The following MGAM2 variants were observed in gnomAD, a reference collection of about 807,000 sequenced individuals.
MGAM2 encodes probable maltase-glucoamylase 2.
MGAM2 carries 98 observed loss-of-function variants against 96.1 expected under a neutral mutation model. The observed-to-expected ratio is 1.02, with a 90% CI of 0.87 to 1.21. The LOEUF (loss-of-function observed/expected upper bound fraction) is 1.21. Among genes scored for constraint, MGAM2 ranks in the 50% most tolerant of loss-of-function variants. The pLI is 0.00. For missense variants in MGAM2, 2,055 were observed against 1,182.4 expected (o/e 1.74, Z -10.82); for synonymous variants, 749 against 414.8 (o/e 1.81, Z -9.79).
intron 46 of MGAM2, among the ~76,000 whole-genome samples, 173 bp downstream of exon 46, chr7:142,208,795 T>A (rs961756676): frequency 1.3e-5 from 2 of 152,230 alleles, no homozygotes; most frequent in Admixed American, 6.5e-5. Context: ...ATCCTTACTT[T>A]GGCAGTTTTC....
intron 35 of MGAM2, 148 bp downstream of exon 35, chr7:142,186,271 C>G: frequency 1.7e-6 from 1 of 604,796 alleles, no homozygotes; most frequent in South Asian, 2.0e-5. Flanking sequence ...GGTGCTAGGA[C>G]CAAGAGAAGC....
Position 142,165,042 on chromosome 7 carries a change from C to T in MGAM2, c.2652+19C>T. On this transcript the variant is annotated intron_variant, in intron 24 of 47. Transcript: ENST00000477922. ...CACAAAGGTAAGAGATCCTTCCATTCTGCAGGGCCCTTTCCAGAGGCCTTG... is the reference window on the plus strand; with the variant it reads ...CACAAAGGTAAGAGATCCTTCCATTTTGCAGGGCCCTTTCCAGAGGCCTTG... 2.9e-6 allele frequency: 2 copies of T among 682,898 alleles called. No homozygotes were observed. Among genetic ancestry groups the T allele is most frequent in the Non-Finnish European group, 5.3e-6 (2 of 376,490 alleles). 42.3% of individuals were successfully genotyped at this position (682,898 alleles called of 1,614,324 possible). A position where few individuals can be genotyped will look rare whatever the true frequency, so the allele number is the denominator to read the frequency against.
At chr7:142,181,996 TC>T (rs1796559052) in intron 32 of MGAM2, among the ~76,000 whole-genome samples, 1 of 152,076 alleles carries the variant, frequency 6.6e-6, no homozygotes, top group South Asian at 2.1e-4. Context: ...GCTATGGAGC[TC>T]CCTTGGGCAG....
At chr7:142,215,322 G>T (rs912717426) in intron 46 of MGAM2, among the ~76,000 whole-genome samples, 1 of 152,084 alleles carries the variant, frequency 6.6e-6, no homozygotes, top group Non-Finnish European at 1.5e-5. Flanking sequence ...CAAGGAGACA[G>T]ATAGCATTAG....
chr7:142,155,834 A>T (rs1263721604), intron 17 of MGAM2, among the ~76,000 whole-genome samples: 18 of 152,158 alleles, frequency 1.2e-4, no homozygotes, highest in Admixed American at 1.2e-3. Context: ...AGAGCCACAT[A>T]TGTCAGTTTA....
At chr7:142,198,841 C>T in intron 44 of MGAM2, 102 bp downstream of exon 44, 2 of 604,924 alleles carry the variant, frequency 3.3e-6, no homozygotes, top group Non-Finnish European at 5.9e-6. Context: ...GGATTATAAA[C>T]TAAATTGCCA....
intron 2 of MGAM2, among the ~76,000 whole-genome samples, chr7:142,118,890 T>G (rs752943445): frequency 1.3e-5 from 2 of 152,130 alleles, no homozygotes; most frequent in East Asian, 3.8e-4. Flanking sequence ...TATAAAACTC[T>G]AGGAACATGT....
intron 44 of MGAM2, among the ~76,000 whole-genome samples, chr7:142,199,168 TTGTG>T (rs1162953695): frequency 6.6e-6 from 1 of 152,136 alleles, no homozygotes; most frequent in East Asian, 1.9e-4. Flanking sequence ...TGCTTGTGTG[TTGTG>T]TGTGTGTACA....
intron 4 of MGAM2, 83 bp from the exon 5 acceptor site, chr7:142,131,435 T>C (rs1219258180): frequency 1.2e-5 from 8 of 648,042 alleles, no homozygotes; most frequent in Admixed American, 2.4e-5. Flanking sequence ...AGACTCCATC[T>C]CAAAACAAAA....
intron 46 of MGAM2, among the ~76,000 whole-genome samples, chr7:142,214,740 A>G (rs1328973600): frequency 6.6e-6 from 1 of 150,562 alleles, no homozygotes; most frequent in Non-Finnish European, 1.5e-5. Context: ...GCAAATCAAA[A>G]CCACAATGAG....
chr7:142,176,095 C>CA lies in MGAM2; in HGVS notation c.3816+328dup, dbSNP rs61345348. On this transcript the variant is annotated intron_variant, in intron 32 of 47. Coordinates refer to ENST00000477922, the MANE Select transcript of MGAM2 (RefSeq NM_001293626.2). ...CTGTGGGCTGAAGCACTGAAGATAG[C>CA]AAAAAAAAAAAAAGGGGGGGGCATC... is the stretch of plus-strand genomic sequence containing the variant. Among the ~76,000 whole-genome samples, 577 of 131,222 alleles carry CA rather than the reference C, an allele frequency of 4.4e-3. 5 individuals carry two copies. The highest frequency in any genetic ancestry group is 9.7e-3 in the African/African-American group (348 of 35,982). 86.1% of individuals were successfully genotyped at this position (131,222 alleles called of 152,430 possible).
Position 142,187,797 on chromosome 7 carries a change from C to T in MGAM2, c.4170C>T (p.Cys1390=). 4.3e-6 allele frequency: 3 copies of T among 702,774 alleles called. No individual in the cohort carries two copies. The highest frequency in any genetic ancestry group is 7.8e-6 in the Non-Finnish European group (3 of 384,844). The allele number at this position is 702,774 out of a possible 1,614,324, so 43.5% of individuals were successfully genotyped here. The change falls in exon 36 of 48, where the codon TGC becomes TGT. Residue 1390 remains cysteine (C), a synonymous_variant. Transcript: ENST00000477922. ...TTGTGGATGGATCTGTCAGGGGCTG[C>T]AGCAATGAAATGCTAAATAACCCAC... ...SNFVDGSVRG[C]SNEMLNNPPY... is the part of the protein sequence containing the mutation.
At chr7:142,149,373 C>A (rs896771909) in intron 15 of MGAM2, among the ~76,000 whole-genome samples, 1 of 152,204 alleles carries the variant, frequency 6.6e-6, no homozygotes, top group South Asian at 2.1e-4. Context: ...GGCCTCTTCT[C>A]TTTACAGTCT....
intron 32 of MGAM2, among the ~76,000 whole-genome samples, chr7:142,179,058 T>C (rs1423245213): frequency 6.6e-6 from 1 of 152,172 alleles, no homozygotes; most frequent in Non-Finnish European, 1.5e-5. Flanking sequence ...TGATGAACTA[T>C]AAAAACATTC....
rs371841511 is a variant in MGAM2 at position 142,181,125 on chromosome 7, G to T, written c.3817-2141G>T. Among the ~76,000 whole-genome samples, 5 of 152,298 alleles carry T rather than the reference G, an allele frequency of 3.3e-5. No homozygotes were observed. The East Asian group carries it at 7.7e-4, about 24-fold the overall frequency. ...AGAAGATACTCTGACTTTTTGAATT[G>T]CTAGGGTTCTTGTGCTGATTCTTTC... On this transcript the variant is annotated intron_variant, in intron 32 of 47. Coordinates refer to ENST00000477922, the MANE Select transcript of MGAM2 (RefSeq NM_001293626.2).
intron 1 of MGAM2, among the ~76,000 whole-genome samples, chr7:142,112,641 G>A (rs190727616): frequency 9.1e-4 from 138 of 152,052 alleles, no homozygotes; most frequent in Non-Finnish European, 2.6e-4. Flanking sequence ...ATACATTGTC[G>A]AGAGAGTATT....
chr7:142,135,592 C>T (rs1585151799), intron 7 of MGAM2, among the ~76,000 whole-genome samples: 1 of 152,120 alleles, frequency 6.6e-6, no homozygotes, highest in Non-Finnish European at 1.5e-5. Flanking sequence ...TTTTCCCTCT[C>T]CTGGTATTTA....
chr7:142,158,612 G>C (rs1008550220), intron 19 of MGAM2, among the ~76,000 whole-genome samples: 1 of 152,138 alleles, frequency 6.6e-6, no homozygotes, highest in African/African-American at 2.4e-5. Flanking sequence ...ATACTTTGGG[G>C]TGTATGTGCT....
At chr7:142,145,134 C>T (rs1299820247) in intron 14 of MGAM2, among the ~76,000 whole-genome samples, 189 bp downstream of exon 14, 7 of 152,128 alleles carry the variant, frequency 4.6e-5, no homozygotes, top group Non-Finnish European at 7.3e-5. Flanking sequence ...GTCATAACTC[C>T]AGGGCAAGCA....
Sources: gnomAD v4.1 joint callset for allele counts (sites outside exome capture counted in the v4.1 genomes callset) on GRCh38, gnomAD v4.1.1 for gene constraint, MANE v1.5 for transcripts, NCBI Gene and HGNC (gene_info 2026-07-23, HGNC 2026-07-21) for gene names.